Variants in ACER3 observed in about 807,000 individuals in gnomAD.
ACER3 encodes alkaline ceramidase 3, also known as alkCDase 3.
A neutral mutation model predicts 48.9 loss-of-function variants in ACER3; 16 were observed. That is an observed-to-expected ratio of 0.33 (90% CI 0.22 to 0.50). The LOEUF (loss-of-function observed/expected upper bound fraction) is 0.50. Ranked by LOEUF, ACER3 falls within the 20% of genes least tolerant of loss-of-function variation. ACER3 has a pLI of 0.98. For missense variants in ACER3, 227 were observed against 326.0 expected (o/e 0.70, Z 2.34); for synonymous variants, 109 against 107.8 (o/e 1.01, Z -0.07).
At position 76,943,749 on chromosome 11, in the gene ACER3, A is replaced by ACC. The variant is rs71043514; in HGVS notation, c.215-15220_215-15219dup. The stretch of plus-strand genomic sequence containing the variant: ...TAGTGCGGTCAGTGATGTGTTGAAG[A>ACC]CCCCCCCCCCCACTATTATCATATT... On this transcript the variant is annotated intron_variant, in intron 2 of 10. Coordinates refer to ENST00000532485, the MANE Select transcript of ACER3 (RefSeq NM_018367.7). 6.1e-5 allele frequency among the ~76,000 whole-genome samples: 9 copies of ACC among 146,896 alleles called. No homozygotes were observed. The East Asian group carries it at 6.3e-4, about 10-fold the overall frequency.
In ACER3 at chr11:76,982,257, G is replaced by A. The variant is rs1278719011; in HGVS notation, c.321-3386G>A. On this transcript the variant is annotated intron_variant, in intron 4 of 10. Coordinates refer to ENST00000532485, the MANE Select transcript of ACER3 (RefSeq NM_018367.7). ...TTTTGAGACAGAGTCTCGCTCTGTC[G>A]CCACTCTGGAGTGCAGTGGTGCGAT... Among the ~76,000 whole-genome samples, 11 of 138,146 alleles carry A rather than the reference G, an allele frequency of 8.0e-5. 1 individual carries two copies. Among genetic ancestry groups the A allele is most frequent in the African/African-American group, 2.7e-4 (10 of 36,448 alleles). The allele number at this position is 138,146 out of a possible 152,430, so 90.6% of individuals were successfully genotyped here.
intron 1 of ACER3, among the ~76,000 whole-genome samples, chr11:76,886,436 A>G (rs1053368197): frequency 1.3e-5 from 2 of 152,256 alleles, no homozygotes; most frequent in African/African-American, 4.8e-5. Context: ...TTTTATACTC[A>G]GTTCAGAACA....
At chr11:77,011,326 A>T (rs1285959244) in intron 7 of ACER3, 1 of 985,368 alleles carries the variant, frequency 1.0e-6, no homozygotes, top group African/African-American at 1.7e-5. Flanking sequence ...ATTTTACCCC[A>T]CAGAAGAGTA....
At chr11:76,906,933 A>C (rs900240990) in intron 1 of ACER3, among the ~76,000 whole-genome samples, 2 of 152,200 alleles carry the variant, frequency 1.3e-5, no homozygotes, top group African/African-American at 4.8e-5. Context: ...AAATATAAAC[A>C]ATGATAAATT....
intron 3 of ACER3, among the ~76,000 whole-genome samples, chr11:76,974,506 A>G (rs1948387122): frequency 6.6e-6 from 1 of 152,246 alleles, no homozygotes; most frequent in South Asian, 2.1e-4. Flanking sequence ...ATCAGGAAGT[A>G]GAAGTCAGAT....
At chr11:76,986,082 G>C (rs1244534593) in intron 5 of ACER3, among the ~76,000 whole-genome samples, 1 of 152,136 alleles carries the variant, frequency 6.6e-6, no homozygotes, top group Non-Finnish European at 1.5e-5. Context: ...CTGTTGTAAT[G>C]GTTAACTTTT....
Position 76,975,992 on chromosome 11 carries a change from G to A in ACER3, c.268-297G>A, listed in dbSNP as rs570769467. Among the ~76,000 whole-genome samples the A allele has an allele frequency of 3.7e-3, 530 of 142,756 alleles. 6 individuals are homozygous for A. In the South Asian group the frequency reaches 0.039, roughly 11 times the overall value. The allele number at this position is 142,756 out of a possible 152,430, so 93.7% of individuals were successfully genotyped here. Reference sequence around the variant, plus strand: ...CCTCTCAGGCTCAAGCGATCCTTTTGCTTCAGCCTCCCAAATAGCTGGGAC... The same window carrying A: ...CCTCTCAGGCTCAAGCGATCCTTTTACTTCAGCCTCCCAAATAGCTGGGAC... On this transcript the variant is annotated intron_variant, in intron 3 of 10. Transcript: ENST00000532485.
chr11:76,920,611 A>G (rs1946660488), intron 1 of ACER3, among the ~76,000 whole-genome samples: 2 of 145,686 alleles, frequency 1.4e-5, no homozygotes, highest in African/African-American at 5.1e-5. Flanking sequence ...ACTCTGGTTT[A>G]TCTTTTCTGA....
chr11:77,001,298 C>T (rs1949026661), intron 7 of ACER3, among the ~76,000 whole-genome samples: 1 of 152,022 alleles, frequency 6.6e-6, no homozygotes, highest in Non-Finnish European at 1.5e-5. Flanking sequence ...CACTGTCTCC[C>T]GGGCTGGAGT....
rs782619125 is a variant in ACER3, at chr11:77,020,279, C to T, written c.756C>T (p.Leu252=). ...YLRYRPKVKF[L]FGIWPVILFE... is the part of the protein sequence containing the mutation. ...CCTAATTTGTCCCCAAACAGTTTCT[C>T]TTTGGAATCTGGCCAGTGATCCTGT... Residue 252 remains leucine, a synonymous_variant, in exon 11 of 11, where the codon CTC becomes CTT. Transcript: ENST00000532485. The T allele has an allele frequency of 2.5e-6, 4 of 1,613,740 alleles. No homozygotes were observed. The highest frequency in any genetic ancestry group is 3.4e-6 in the Non-Finnish European group (4 of 1,179,896).
At chr11:76,864,596 ATT>A (rs772026324) in intron 1 of ACER3, among the ~76,000 whole-genome samples, 15 of 99,930 alleles carry the variant, frequency 1.5e-4, no homozygotes, top group African/African-American at 3.7e-4. Context: ...TGGAATGGGT[ATT>A]TTTTTTTTTT....
rs1161386336 is a variant in ACER3 at position 77,022,532 on chromosome 11, A to G, written c.*2205A>G. 1.3e-5 allele frequency: 2 copies of G among 152,210 alleles called. No individual in the cohort carries two copies. The highest frequency in any genetic ancestry group is 6.5e-5 in the Admixed American group (1 of 15,276). 9.4% of individuals were successfully genotyped at this position (152,210 alleles called of 1,614,324 possible). On this transcript the variant is annotated 3_prime_UTR_variant, in exon 11 of 11. Transcript: ENST00000532485. ...TCTCTTTTTAGCTACTAAGTAACAT[A>G]CTCAAGACTTTGTATCTGTGCAGCA...
At chr11:76,930,771 G>A (rs1053807163) in intron 2 of ACER3, among the ~76,000 whole-genome samples, 5 of 152,028 alleles carry the variant, frequency 3.3e-5, no homozygotes, top group African/African-American at 1.2e-4. Flanking sequence ...GTAGTTGAGA[G>A]GTTTTGAGTG....
At chr11:76,956,435 A>G (rs1040631682) in intron 2 of ACER3, among the ~76,000 whole-genome samples, 1 of 152,200 alleles carries the variant, frequency 6.6e-6, no homozygotes, top group Non-Finnish European at 1.5e-5. Flanking sequence ...AGCCACCAGA[A>G]TAGATTTTCA....
intron 1 of ACER3, among the ~76,000 whole-genome samples, chr11:76,896,702 G>T (rs1233733575): frequency 6.6e-6 from 1 of 152,132 alleles, no homozygotes; most frequent in African/African-American, 2.4e-5. Flanking sequence ...TTAGACTAGT[G>T]CTGTACCCTC....
At chr11:76,934,176 C>T (rs1296439521) in intron 2 of ACER3, among the ~76,000 whole-genome samples, 6 of 151,746 alleles carry the variant, frequency 4.0e-5, no homozygotes, top group South Asian at 4.2e-4. Context: ...GGATGGCGGC[C>T]GGGCAGAGAC....
intron 5 of ACER3, among the ~76,000 whole-genome samples, chr11:76,989,258 GTT>G (rs568267250): frequency 1.4e-5 from 2 of 142,208 alleles, no homozygotes. Context: ...TCTGGGTTTG[GTT>G]TTTTTTTTTT....
At chr11:76,936,960 G>T (rs937907368) in intron 2 of ACER3, among the ~76,000 whole-genome samples, 23 of 151,986 alleles carry the variant, frequency 1.5e-4, no homozygotes, top group Non-Finnish European at 4.4e-5. Flanking sequence ...CAAGTGATCT[G>T]CCCACCTCAG....
In ACER3 at chr11:76,976,431, C is replaced by T. The variant is rs1193486975; in HGVS notation, c.320+90C>T. On this transcript the variant is annotated intron_variant, in intron 4 of 10. Coordinates refer to ENST00000532485, the MANE Select transcript of ACER3 (RefSeq NM_018367.7). ...TAATATAACTGATACATTTATATTA[C>T]TAGGATATTTTAATAATGTAGAAGA... 8.6e-5 allele frequency: 59 copies of T among 685,428 alleles called. No homozygotes were observed. In the Admixed American group the frequency reaches 1.9e-3, roughly 22 times the overall value. 42.5% of individuals were successfully genotyped at this position (685,428 alleles called of 1,614,324 possible).
Sources: allele counts gnomAD v4.1 joint callset (sites outside exome capture counted in the v4.1 genomes callset), GRCh38; gene constraint gnomAD v4.1.1; transcripts MANE v1.5; gene names NCBI Gene and HGNC (gene_info 2026-07-23, HGNC 2026-07-21).